LOC128462377: variants seen among roughly 807,000 people sequenced by gnomAD.
the LOC128462377 span, among the ~76,000 whole-genome samples, chr16:89,369,368 TGCATGACCC>T: frequency 6.6e-6 from 1 of 152,212 alleles, no homozygotes; most frequent in African/African-American, 2.4e-5. Flanking sequence ...AGCTGATGGG[TGCATGACCC>T]GCATGACCCT....
chr16:89,342,171 A>C, the LOC128462377 span, among the ~76,000 whole-genome samples: 1 of 152,250 alleles, frequency 6.6e-6, no homozygotes, highest in Non-Finnish European at 1.5e-5. Flanking sequence ...TCTGGGCCTC[A>C]AAGCACAACA....
the LOC128462377 span, among the ~76,000 whole-genome samples, chr16:89,353,015 C>T: frequency 1.3e-5 from 2 of 152,348 alleles, no homozygotes; most frequent in South Asian, 4.1e-4. Flanking sequence ...GATCCATTTA[C>T]TTCACCCTAA....
the LOC128462377 span, among the ~76,000 whole-genome samples, chr16:89,387,736 C>A: frequency 6.8e-6 from 1 of 147,350 alleles, no homozygotes; most frequent in African/African-American, 2.5e-5. Context: ...GGCACGGTAG[C>A]TTGCGCCTGT....
chr16:89,384,874 GTTTTCTT>G, the LOC128462377 span, among the ~76,000 whole-genome samples: 503 of 72,748 alleles, frequency 6.9e-3, 9 homozygotes, highest in African/African-American at 0.026. Context: ...ATGAGAAATA[GTTTTCTT>G]TTTTTTTTTT....
chr16:89,406,538 G>T, the LOC128462377 span, among the ~76,000 whole-genome samples: 5 of 152,318 alleles, frequency 3.3e-5, no homozygotes, highest in African/African-American at 1.2e-4. Context: ...AGACACACAG[G>T]CACCAGAGGC....
chr16:89,367,719 G>GCTCCACGCTGTACTCCTGA, the LOC128462377 span, among the ~76,000 whole-genome samples: 91 of 152,324 alleles, frequency 6.0e-4, no homozygotes, highest in South Asian at 4.1e-3. Context: ...GGTGAGTACA[G>GCTCCACGCTGTACTCCTGA]CTCCACGCAT....
the LOC128462377 span, among the ~76,000 whole-genome samples, chr16:89,364,554 C>G: frequency 4.9e-4 from 75 of 152,102 alleles, no homozygotes; most frequent in Middle Eastern, 3.2e-3. Flanking sequence ...GCAGTCAGAC[C>G]CTAAAGCAGA....
the LOC128462377 span, among the ~76,000 whole-genome samples, chr16:89,415,268 T>TAAACCC: frequency 7.0e-6 from 1 of 142,754 alleles, no homozygotes; most frequent in African/African-American, 2.7e-5. Flanking sequence ...ATTCTTTTTT[T>TAAACCC]TTTTTTTTTT....
At chr16:89,366,129 C>CAAAAAAAAA in the LOC128462377 span, among the ~76,000 whole-genome samples, 15 of 60,442 alleles carry the variant, frequency 2.5e-4, no homozygotes, top group African/African-American at 9.3e-4. Flanking sequence ...GACTCCATCT[C>CAAAAAAAAA]AAAAAAAAAA....
the LOC128462377 span, among the ~76,000 whole-genome samples, chr16:89,371,047 A>T: frequency 6.6e-6 from 1 of 152,170 alleles, no homozygotes; most frequent in African/African-American, 2.4e-5. Context: ...GCCCCGTCTC[A>T]TGACGAAGGG....
At chr16:89,325,449 C>CCTCT in the LOC128462377 span, among the ~76,000 whole-genome samples, 2,847 of 139,472 alleles carry the variant, frequency 0.02, 43 homozygotes, top group African/African-American at 0.044. Context: ...TCTCCCCTCT[C>CCTCT]CTCTCTCTCT....
At chr16:89,349,911 C>CAAACAACAA in the LOC128462377 span, among the ~76,000 whole-genome samples, 1 of 85,954 alleles carries the variant, frequency 1.2e-5, no homozygotes. Context: ...CACACACACA[C>CAAACAACAA]ATATTCAAAC....
At chr16:89,384,879 CTTTTTTTTTTTT>C in the LOC128462377 span, among the ~76,000 whole-genome samples, 121 of 49,944 alleles carry the variant, frequency 2.4e-3, 4 homozygotes, top group Middle Eastern at 0.037. Context: ...AAATAGTTTT[CTTTTTTTTTTTT>C]TTTTTTTTTT....
chr16:89,386,016 A>G, the LOC128462377 span, among the ~76,000 whole-genome samples: 19 of 152,344 alleles, frequency 1.2e-4, no homozygotes, highest in African/African-American at 4.6e-4. Flanking sequence ...GGTAGCTGGG[A>G]CCACGGGTGT....
chr16:89,372,612 A>G, the LOC128462377 span, among the ~76,000 whole-genome samples: 1 of 152,228 alleles, frequency 6.6e-6, no homozygotes, highest in African/African-American at 2.4e-5. Context: ...AAATTAAAAT[A>G]CTGAAATTAA....
chr16:89,329,635 A>G, the LOC128462377 span, among the ~76,000 whole-genome samples: 2 of 149,890 alleles, frequency 1.3e-5, no homozygotes, highest in African/African-American at 2.5e-5. Context: ...AAGTAAAAAA[A>G]CAGTATGAGG....
At chr16:89,320,409 A>G in the LOC128462377 span, 3 of 152,248 alleles carry the variant, frequency 2.0e-5, no homozygotes, top group African/African-American at 7.2e-5. Flanking sequence ...AATCAGCAGG[A>G]AACTGAAACA....
the LOC128462377 span, chr16:89,324,560 C>G: frequency 1.1e-5 from 5 of 455,188 alleles, no homozygotes; most frequent in Non-Finnish European, 2.2e-5. Flanking sequence ...GAGAGGCCGA[C>G]GAACCCTCCA....
the LOC128462377 span, among the ~76,000 whole-genome samples, chr16:89,340,922 T>C: frequency 0.015 from 2,254 of 152,272 alleles, 49 homozygotes; most frequent in African/African-American, 0.051. Context: ...AATGTCCAAA[T>C]GTGGGCAGTG....
Sources: gnomAD v4.1 joint callset for allele counts (sites outside exome capture counted in the v4.1 genomes callset) on GRCh38, gnomAD v4.1.1 for gene constraint, MANE v1.5 for transcripts.